The following CFAP107 variants were observed in gnomAD, a reference collection of about 807,000 sequenced individuals.
The protein encoded by CFAP107 is cilia- and flagella-associated protein 107.
the CFAP107 span, among the ~76,000 whole-genome samples, chr1:12,759,816 T>C: frequency 1.3e-5 from 2 of 152,084 alleles, no homozygotes; most frequent in African/African-American, 4.8e-5. Context: ...ATTTCCCAGG[T>C]AGTGCTCCCT....
the CFAP107 span, among the ~76,000 whole-genome samples, chr1:12,757,308 T>C: frequency 6.6e-6 from 1 of 152,206 alleles, no homozygotes; most frequent in Admixed American, 6.5e-5. Context: ...GAACAGACGA[T>C]GGAATATTCA....
At chr1:12,760,642 T>G in the CFAP107 span, 1 of 922,516 alleles carries the variant, frequency 1.1e-6, no homozygotes, top group South Asian at 1.7e-5. Flanking sequence ...TCTGCCAGCC[T>G]TGGTCCCTGA....
the CFAP107 span, among the ~76,000 whole-genome samples, chr1:12,758,186 C>T: frequency 6.6e-6 from 1 of 150,882 alleles, no homozygotes; most frequent in Non-Finnish European, 1.5e-5. Flanking sequence ...ATGGCGTGCC[C>T]TTCCTCTTGA....
At chr1:12,747,927 G>A in the CFAP107 span, among the ~76,000 whole-genome samples, 1,087 of 152,150 alleles carry the variant, frequency 7.1e-3, 12 homozygotes, top group Admixed American at 0.03. Flanking sequence ...CATTCCCCAT[G>A]GAAACATTAA....
the CFAP107 span, chr1:12,755,845 C>T: frequency 4.8e-6 from 7 of 1,467,020 alleles, no homozygotes; most frequent in Non-Finnish European, 6.7e-6. Context: ...GACACTCAGG[C>T]CTGGACCCCA....
the CFAP107 span, chr1:12,753,931 A>G: frequency 6.6e-6 from 1 of 152,182 alleles, no homozygotes; most frequent in Non-Finnish European, 1.5e-5. Context: ...AAAAAAGAAG[A>G]AAACATCGGG....
At chr1:12,759,545 C>A in the CFAP107 span, 4 of 1,588,624 alleles carry the variant, frequency 2.5e-6, no homozygotes, top group South Asian at 3.3e-5. Context: ...CACAGACCAA[C>A]GGAGCTGTAC....
At chr1:12,755,404 C>CAAA in the CFAP107 span, among the ~76,000 whole-genome samples, 160 of 143,080 alleles carry the variant, frequency 1.1e-3, 1 homozygote, top group African/African-American at 3.8e-3. Flanking sequence ...ACTCCATGTC[C>CAAA]AAAAAAAAAA....
chr1:12,761,496 G>A, the CFAP107 span: 1 of 152,124 alleles, frequency 6.6e-6, no homozygotes, highest in Non-Finnish European at 1.5e-5. Context: ...AAAACACATG[G>A]CATTTCCTTT....
the CFAP107 span, chr1:12,746,644 G>C: frequency 1.2e-6 from 1 of 825,850 alleles, no homozygotes; most frequent in Non-Finnish European, 2.0e-6. Context: ...GCAGATGATT[G>C]CATCTTAAAA....
chr1:12,761,052 G>C, the CFAP107 span: 1 of 1,193,762 alleles, frequency 8.4e-7, no homozygotes, highest in Non-Finnish European at 1.2e-6. Flanking sequence ...CAGAGTACGA[G>C]ATCTGGCCCG....
At chr1:12,762,643 C>G in the CFAP107 span, 2 of 152,404 alleles carry the variant, frequency 1.3e-5, no homozygotes, top group Admixed American at 1.3e-4. Context: ...CAACATCCAG[C>G]CTTTCTATTG....
chr1:12,749,601 A>AGTGAGT, the CFAP107 span, among the ~76,000 whole-genome samples: 15 of 152,144 alleles, frequency 9.9e-5, no homozygotes, highest in African/African-American at 3.6e-4. Flanking sequence ...ACAGAGTGAG[A>AGTGAGT]GTGAGGCCCT....
At chr1:12,752,589 T>C in the CFAP107 span, among the ~76,000 whole-genome samples, 1 of 123,918 alleles carries the variant, frequency 8.1e-6, no homozygotes, top group African/African-American at 3.1e-5. Context: ...AAAATTAATA[T>C]ATAAAAATTA....
chr1:12,755,878 C>T, the CFAP107 span: 1 of 1,126,198 alleles, frequency 8.9e-7, no homozygotes, highest in Non-Finnish European at 1.3e-6. Flanking sequence ...GGGACACCAG[C>T]CAGCTTCTTA....
chr1:12,759,185 C>T, the CFAP107 span: 1 of 1,086,216 alleles, frequency 9.2e-7, no homozygotes, highest in Non-Finnish European at 1.4e-6. Context: ...CCTTTGCCAG[C>T]CCACGGATGC....
At chr1:12,746,413 C>T in the CFAP107 span, 1 of 1,601,634 alleles carries the variant, frequency 6.2e-7, no homozygotes, top group Non-Finnish European at 8.6e-7. Flanking sequence ...TCAAAGAAAC[C>T]TGGGGCAAAT....
At chr1:12,753,342 T>G in the CFAP107 span, 54 of 130,360 alleles carry the variant, frequency 4.1e-4, no homozygotes, top group African/African-American at 1.9e-3. Context: ...CCAGTAAAGG[T>G]TTTTTTTTTT....
the CFAP107 span, chr1:12,759,402 T>G: frequency 6.2e-7 from 1 of 1,614,092 alleles, no homozygotes; most frequent in Admixed American, 1.7e-5. Context: ...ACCGGCATGG[T>G]TACAACCCGG....
Sources: gnomAD v4.1 joint callset for allele counts (sites outside exome capture counted in the v4.1 genomes callset) on GRCh38, gnomAD v4.1.1 for gene constraint, MANE v1.5 for transcripts, NCBI Gene and HGNC (gene_info 2026-07-23, HGNC 2026-07-21) for gene names.